The following GPR137B variants were observed in gnomAD, a reference collection of about 807,000 sequenced individuals.
The protein encoded by GPR137B is G protein-coupled receptor 137B, also known as integral membrane protein GPR137B.
GPR137B carries 42 observed loss-of-function variants against 42.5 expected under a neutral mutation model. The ratio of observed to expected loss-of-function variants is 0.99; its 90% confidence interval spans 0.77 to 1.28. GPR137B has a LOEUF of 1.28. GPR137B is among the 50% of genes most tolerant of loss of function. The pLI is 0.00. For synonymous variants in GPR137B, 218 were observed against 209.7 expected (o/e 1.04, Z -0.34); for missense variants, 487 against 493.9 (o/e 0.99, Z 0.13).
rs1230270928 is a variant in GPR137B at position 236,171,916 on chromosome 1, G to A, written c.464+3161G>A. Among the ~76,000 whole-genome samples, 5 of 152,128 alleles carry A rather than the reference G, an allele frequency of 3.3e-5. No individual in the cohort carries two copies. Reference sequence around the variant, plus strand: ...TAGCCAGGCATGATGGCGCATGCCTGTAATCCCAGCTACTTGGGAGGCTGA... The same window carrying A: ...TAGCCAGGCATGATGGCGCATGCCTATAATCCCAGCTACTTGGGAGGCTGA... On this transcript the variant is annotated intron_variant, in intron 2 of 6. Coordinates refer to ENST00000366592, the MANE Select transcript of GPR137B (RefSeq NM_003272.4). This position sits in a 1 kb window ranked among gnomAD's most constrained non-coding sequence, Gnocchi z 4.4.
Position 236,150,477 on chromosome 1 carries a change from C to T in GPR137B, c.414+7441C>T, listed in dbSNP as rs1013714891. Among the ~76,000 whole-genome samples the T allele has an allele frequency of 6.6e-6, 1 of 152,326 alleles. No homozygotes were observed. The highest frequency in any genetic ancestry group is 1.9e-4 in the East Asian group (1 of 5,196). On this transcript the variant is annotated intron_variant, in intron 1 of 6. Coordinates refer to ENST00000366592, the MANE Select transcript of GPR137B (RefSeq NM_003272.4). The surrounding 1 kb of genome is among the most constrained non-coding windows in gnomAD (Gnocchi z 6.2). ...CCATGGCAGCGTGCTCTTCTCTCTG[C>T]AGCTGAGGCTGTGACCGCATCAGTG...
At chr1:236,168,469 G>A (rs1479775688) in intron 1 of GPR137B, among the ~76,000 whole-genome samples, 2 of 151,606 alleles carry the variant, frequency 1.3e-5, no homozygotes, top group East Asian at 3.8e-4. Flanking sequence ...CTTGGCCATG[G>A]TAGACTAGTA....
chr1:236,181,362 A>G (rs930345428), intron 4 of GPR137B, among the ~76,000 whole-genome samples: 2 of 151,674 alleles, frequency 1.3e-5, no homozygotes, highest in Non-Finnish European at 2.9e-5. Context: ...CATCTTGGGC[A>G]CTGTGCAAAG....
intron 1 of GPR137B, among the ~76,000 whole-genome samples, chr1:236,162,053 T>C (rs1662218709): frequency 6.6e-6 from 1 of 152,220 alleles, no homozygotes; most frequent in Non-Finnish European, 1.5e-5. Context: ...AGTTTGGAAC[T>C]TTCTAGAGAC....
intron 1 of GPR137B, among the ~76,000 whole-genome samples, chr1:236,148,735 G>A (rs1359952544): frequency 6.6e-6 from 1 of 152,178 alleles, no homozygotes; most frequent in Non-Finnish European, 1.5e-5. Flanking sequence ...CCAGGGGCTC[G>A]TGGTGAGGGC....
At chr1:236,167,115 G>A (rs12073376) in intron 1 of GPR137B, among the ~76,000 whole-genome samples, 6,689 of 152,194 alleles carry the variant, frequency 0.044, 538 homozygotes, top group African/African-American at 0.15. Flanking sequence ...TCCCCGCCCC[G>A]GCTTCATTGA....
chr1:236,190,661 C>T (rs1663168579), intron 5 of GPR137B, among the ~76,000 whole-genome samples: 1 of 139,156 alleles, frequency 7.2e-6, no homozygotes, highest in South Asian at 2.3e-4. Context: ...ATATTGGCCC[C>T]CACTCTCTTT....
At chr1:236,174,647 C>T (rs146089466) in intron 2 of GPR137B, among the ~76,000 whole-genome samples, 1 of 152,252 alleles carries the variant, frequency 6.6e-6, no homozygotes, top group Non-Finnish European at 1.5e-5. Context: ...AAAGCTATGG[C>T]ACCTTTAACA....
intron 1 of GPR137B, 127 bp downstream of exon 1, chr1:236,143,163 C>A: frequency 1.3e-6 from 1 of 770,206 alleles, no homozygotes; most frequent in Non-Finnish European, 2.1e-6. Flanking sequence ...AGGGAGAAGG[C>A]GCCGGCTCTG....
chr1:236,198,949 T>C (rs1379292417), intron 5 of GPR137B, among the ~76,000 whole-genome samples: 1 of 152,174 alleles, frequency 6.6e-6, no homozygotes, highest in Non-Finnish European at 1.5e-5. Flanking sequence ...ATAGAAGTGG[T>C]GAAAGAGGGT....
chr1:236,208,666 T>G lies in GPR137B; in HGVS notation c.*508T>G. 1.0e-6 allele frequency: 1 copy of G among 985,666 alleles called. No individual in the cohort carries two copies. The highest frequency in any genetic ancestry group is 1.2e-6 in the Non-Finnish European group (1 of 829,794). 61.1% of individuals were successfully genotyped at this position (985,666 alleles called of 1,614,324 possible). On this transcript the variant is annotated 3_prime_UTR_variant, in exon 7 of 7. Coordinates refer to ENST00000366592, the MANE Select transcript of GPR137B (RefSeq NM_003272.4). ...AGACTCCTAAAATACAGTTGACAAC[T>G]TAGCCAATTGCAACTCCAGTGTTGA...
chr1:236,193,992 T>G (rs1663268770), intron 5 of GPR137B, among the ~76,000 whole-genome samples: 1 of 152,232 alleles, frequency 6.6e-6, no homozygotes, highest in South Asian at 2.1e-4. Flanking sequence ...TTTTTCAACT[T>G]TACAGATGGT....
chr1:236,142,727 G>A lies in GPR137B; in HGVS notation c.105G>A (p.Pro35=). 3 of 1,609,308 alleles carry A rather than the reference G, an allele frequency of 1.9e-6. No individual in the cohort carries two copies. Among genetic ancestry groups the A allele is most frequent in the Non-Finnish European group, 2.5e-6 (3 of 1,179,368 alleles). The change falls in exon 1 of 7, where the codon CCG becomes CCA. Residue 35 remains proline (P), a synonymous_variant. Coordinates refer to ENST00000366592, the MANE Select transcript of GPR137B (RefSeq NM_003272.4). ...ACTCGCTGCCGCCCACGCTGACCCC[G>A]GCCGTGCCCCCCTACGTGAAGCTTG... ...RNDSLPPTLT[P]AVPPYVKLGL... is the part of the protein sequence containing the mutation.
intron 6 of GPR137B, among the ~76,000 whole-genome samples, chr1:236,206,238 G>GCCTC (rs1236061745): frequency 6.6e-6 from 1 of 152,126 alleles, no homozygotes; most frequent in African/African-American, 2.4e-5. Flanking sequence ...ACTATTATTA[G>GCCTC]CCTCATAATA....
At chr1:236,168,190 G>A (rs891011834) in intron 1 of GPR137B, among the ~76,000 whole-genome samples, 44 of 152,136 alleles carry the variant, frequency 2.9e-4, no homozygotes, top group African/African-American at 9.9e-4. Flanking sequence ...ACTTTGGGAG[G>A]CTGAGGTGGG....
chr1:236,167,900 T>C (rs1294494958), intron 1 of GPR137B, among the ~76,000 whole-genome samples: 2 of 152,228 alleles, frequency 1.3e-5, no homozygotes, highest in Non-Finnish European at 2.9e-5. Flanking sequence ...CTCTCTGCCA[T>C]CCAGTGTGTG....
At chr1:236,168,587 T>A in intron 1 of GPR137B, 119 bp from the exon 2 acceptor site, 2 of 740,876 alleles carry the variant, frequency 2.7e-6, no homozygotes, top group Non-Finnish European at 4.9e-6. Flanking sequence ...GACATTTCAA[T>A]TATAAAAAAC....
chr1:236,203,675 G>T (rs1324087370), intron 5 of GPR137B, among the ~76,000 whole-genome samples: 4 of 151,804 alleles, frequency 2.6e-5, no homozygotes, highest in African/African-American at 9.7e-5. Flanking sequence ...TCCATTTTTT[G>T]GTGTCCTCTT....
chr1:236,167,256 C>T (rs1371485266), intron 1 of GPR137B, among the ~76,000 whole-genome samples: 1 of 152,166 alleles, frequency 6.6e-6, no homozygotes, highest in Non-Finnish European at 1.5e-5. Flanking sequence ...AGTTGCCCAC[C>T]CTTGTTTTGT....
Sources: gnomAD v4.1 joint callset for allele counts (sites outside exome capture counted in the v4.1 genomes callset) on GRCh38, gnomAD v4.1.1 for gene constraint, Gnocchi (gnomAD v3.1) non-coding constraint, MANE v1.5 for transcripts, NCBI Gene and HGNC (gene_info 2026-07-23, HGNC 2026-07-21) for gene names.